Variants in RHBDD1 observed in about 807,000 individuals in gnomAD.
The protein encoded by RHBDD1 is rhomboid-related protein 4.
In RHBDD1, 38 loss-of-function variants were observed where a neutral mutation model predicts 36.3. The observed-to-expected ratio is 1.05, with a 90% CI of 0.81 to 1.37. The LOEUF (loss-of-function observed/expected upper bound fraction) is 1.37, where lower values mean the gene tolerates loss of function less well. Among genes scored for constraint, RHBDD1 ranks in the 40% most tolerant of loss-of-function variants. The pLI, the probability that RHBDD1 is intolerant of heterozygous loss-of-function variation, is 0.00. For synonymous variants in RHBDD1, 151 were observed against 136.5 expected (o/e 1.11, Z -0.74); for missense variants, 393 against 377.6 (o/e 1.04, Z -0.34).
intron 8 of RHBDD1, among the ~76,000 whole-genome samples, chr2:226,991,149 CT>C: frequency 6.6e-6 from 1 of 152,282 alleles, no homozygotes; most frequent in Non-Finnish European, 1.5e-5. Context: ...CAGAATTGAG[CT>C]CTGTATTTTA....
At chr2:226,952,209 G>A (rs1951471611) in intron 8 of RHBDD1, among the ~76,000 whole-genome samples, 1 of 151,876 alleles carries the variant, frequency 6.6e-6, no homozygotes, top group East Asian at 1.9e-4. Flanking sequence ...AAAGTGAGAG[G>A]CCCACATTTA....
At chr2:226,932,566 A>C (rs1950088400) in intron 8 of RHBDD1, among the ~76,000 whole-genome samples, 1 of 151,850 alleles carries the variant, frequency 6.6e-6, no homozygotes, top group Admixed American at 6.6e-5. Flanking sequence ...CTTGAACTTC[A>C]GTTTCAGGTC....
intron 5 of RHBDD1, among the ~76,000 whole-genome samples, chr2:226,875,052 C>A (rs370066788): frequency 6.6e-6 from 1 of 152,210 alleles, no homozygotes; most frequent in African/African-American, 2.4e-5. Context: ...ATTTATCTAC[C>A]GTAAGCCCTT....
At chr2:226,895,810 G>A in intron 5 of RHBDD1, 6 of 984,948 alleles carry the variant, frequency 6.1e-6, no homozygotes, top group Non-Finnish European at 7.2e-6. Context: ...CCCAGCAACA[G>A]CAAAACTATT....
intron 8 of RHBDD1, chr2:226,988,844 A>G (rs1957569324): frequency 3.2e-6 from 1 of 314,190 alleles, no homozygotes; most frequent in South Asian, 1.3e-4. Context: ...AGCTAGACCT[A>G]TCTATTGCCA....
intron 7 of RHBDD1, among the ~76,000 whole-genome samples, chr2:226,913,467 G>A (rs2125699994): frequency 6.6e-6 from 1 of 152,226 alleles, no homozygotes; most frequent in African/African-American, 2.4e-5. Flanking sequence ...GAAATGTAAG[G>A]AATAAACTCA....
At chr2:226,909,027 T>C in intron 7 of RHBDD1, 149 bp downstream of exon 7, 1 of 585,470 alleles carries the variant, frequency 1.7e-6, no homozygotes. Context: ...ACCTGGAAGC[T>C]AGATGGAGGG....
chr2:226,907,423 T>C (rs944273450), intron 6 of RHBDD1, among the ~76,000 whole-genome samples: 6 of 152,206 alleles, frequency 3.9e-5, no homozygotes, highest in Non-Finnish European at 8.8e-5. Context: ...TCCCTTCAAA[T>C]TGATACTCAA....
intron 8 of RHBDD1, among the ~76,000 whole-genome samples, chr2:226,944,783 T>G (rs956527131): frequency 6.6e-6 from 1 of 152,194 alleles, no homozygotes; most frequent in Non-Finnish European, 1.5e-5. Flanking sequence ...AAATCAATGT[T>G]TAAAGTCTAA....
At chr2:226,848,818 T>A (rs935367099) in intron 3 of RHBDD1, among the ~76,000 whole-genome samples, 5 of 152,204 alleles carry the variant, frequency 3.3e-5, no homozygotes, top group Non-Finnish European at 5.9e-5. Flanking sequence ...TTGATTAAAA[T>A]CCCTGCTCAT....
At chr2:226,924,769 A>G (rs1450954975) in intron 8 of RHBDD1, among the ~76,000 whole-genome samples, 2 of 152,192 alleles carry the variant, frequency 1.3e-5, no homozygotes, top group Non-Finnish European at 2.9e-5. Flanking sequence ...AGTTCTGCCC[A>G]GTTTTGCTTT....
chr2:226,910,296 TA>T (rs1451925136), intron 7 of RHBDD1, among the ~76,000 whole-genome samples: 6 of 152,366 alleles, frequency 3.9e-5, no homozygotes, highest in African/African-American at 1.4e-4. Flanking sequence ...AAGCCCTTTT[TA>T]CCTCTTTTAA....
intron 8 of RHBDD1, among the ~76,000 whole-genome samples, chr2:226,955,746 C>G (rs1000026006): frequency 6.6e-6 from 1 of 152,226 alleles, no homozygotes; most frequent in African/African-American, 2.4e-5. Flanking sequence ...GGCCTTTTCT[C>G]TGTGCACACA....
chr2:226,831,984 T>C (rs1211699788), upstream of RHBDD1, among the ~76,000 whole-genome samples: 4 of 151,790 alleles, frequency 2.6e-5, no homozygotes, highest in Admixed American at 2.6e-4. Flanking sequence ...AAAAACAAAC[T>C]TTTGATTTTC....
rs1326680786 is a variant in RHBDD1, at chr2:226,864,718, A to G, written c.25A>G (p.Asn9Asp). 6.2e-7 allele frequency: 1 copy of G among 1,614,094 alleles called. No homozygotes were observed. The highest frequency in any genetic ancestry group is 8.5e-7 in the Non-Finnish European group (1 of 1,179,968). MQRRSRGI[N>D]TGLILLLSQI... is the part of the protein sequence containing the mutation. ...CATGCAACGGAGATCAAGAGGGATA[A>G]ATACTGGACTTATTCTACTCCTTTC... Residue 9 changes from asparagine to aspartate, a missense_variant, in exon 4 of 9, where the codon AAT (asparagine) becomes GAT (aspartate). Coordinates refer to ENST00000392062, the MANE Select transcript of RHBDD1 (RefSeq NM_001167608.3).
intron 8 of RHBDD1, among the ~76,000 whole-genome samples, chr2:226,939,192 G>A (rs1303734522): frequency 6.6e-6 from 1 of 152,142 alleles, no homozygotes; most frequent in Non-Finnish European, 1.5e-5. Flanking sequence ...GGCAAAAGCT[G>A]GAAGCATTCA....
chr2:226,988,675 G>T (rs1417620716), intron 8 of RHBDD1: 1 of 983,532 alleles, frequency 1.0e-6, no homozygotes, highest in Non-Finnish European at 1.2e-6. Context: ...TATTCCGAAG[G>T]GTTTTCATAC....
chr2:226,900,081 T>C (rs539474171), intron 5 of RHBDD1, among the ~76,000 whole-genome samples: 2 of 152,342 alleles, frequency 1.3e-5, no homozygotes, highest in Admixed American at 1.3e-4. Context: ...GGTCCATGGA[T>C]GGAGTTCAAG....
At chr2:226,975,116 A>T (rs1045123409) in intron 8 of RHBDD1, among the ~76,000 whole-genome samples, 11 of 152,298 alleles carry the variant, frequency 7.2e-5, no homozygotes, top group African/African-American at 2.2e-4. Flanking sequence ...TCTAATATAA[A>T]ATCTTTCAGA....
Sources: allele counts gnomAD v4.1 joint callset (sites outside exome capture counted in the v4.1 genomes callset), GRCh38; gene constraint gnomAD v4.1.1; transcripts MANE v1.5; gene names NCBI Gene and HGNC (gene_info 2026-07-23, HGNC 2026-07-21).